CFDP1: variants seen among roughly 807,000 people sequenced by gnomAD.
The protein encoded by CFDP1 is chromatin remodeling protein CFDP1, also known as heterochromatin-stabilizing protein CFDP1.
CFDP1 carries 31 observed loss-of-function variants against 40.1 expected under a neutral mutation model. The ratio of observed to expected loss-of-function variants is 0.77; its 90% CI spans 0.58 to 1.04. The LOEUF is 1.04. CFDP1 is among the 50% of genes least tolerant of loss of function. CFDP1 has a pLI of 0.00. For synonymous variants in CFDP1, 167 were observed against 120.0 expected (o/e 1.39, Z -2.56); for missense variants, 423 against 343.4 (o/e 1.23, Z -1.83).
At chr16:75,347,359 A>AAAAAAAAAAAAAAAAAAAAAAAAAG (rs1555556963) in intron 5 of CFDP1, among the ~76,000 whole-genome samples, 5 of 53,666 alleles carry the variant, frequency 9.3e-5, no homozygotes, top group South Asian at 9.0e-4. Flanking sequence ...AAAAAAAAAA[A>AAAAAAAAAAAAAAAAAAAAAAAAAG]AAAAAGAAAA....
chr16:75,330,981 A>C (rs3975148), intron 5 of CFDP1, among the ~76,000 whole-genome samples: 71,285 of 147,078 alleles, frequency 0.48, 18,958 homozygotes, highest in Admixed American at 0.62. Context: ...AAAAAAAAAA[A>C]AAAACACAAA....
At chr16:75,410,826 G>A (rs1271140149) in intron 4 of CFDP1, among the ~76,000 whole-genome samples, 4 of 148,736 alleles carry the variant, frequency 2.7e-5, no homozygotes, top group African/African-American at 9.9e-5. Context: ...GGAGAATGGC[G>A]TGAACCCAGG....
At chr16:75,411,777 G>A (rs1109342) in intron 4 of CFDP1, 48 bp downstream of exon 4, 898,729 of 1,554,734 alleles carry the variant, frequency 0.58, 263,595 homozygotes, top group Admixed American at 0.69. Context: ...AGAGAGAGAC[G>A]CTCATTTTTG....
chr16:75,315,714 C>T (rs1163966590), intron 5 of CFDP1, among the ~76,000 whole-genome samples: 1 of 151,960 alleles, frequency 6.6e-6, no homozygotes. Context: ...TTTTTGTGGC[C>T]GTGTGGAGCC....
chr16:75,408,184 CT>C (rs1567675977), intron 4 of CFDP1, among the ~76,000 whole-genome samples: 1 of 151,988 alleles, frequency 6.6e-6, no homozygotes, highest in African/African-American at 2.4e-5. Flanking sequence ...CACAGTACAT[CT>C]TTTATCCAGA....
chr16:75,298,396 G>A (rs930737540), intron 6 of CFDP1, among the ~76,000 whole-genome samples: 3 of 152,144 alleles, frequency 2.0e-5, no homozygotes, highest in Admixed American at 6.5e-5. Flanking sequence ...CTCCTGCACC[G>A]CTGGTCAGGA....
intron 5 of CFDP1, among the ~76,000 whole-genome samples, chr16:75,358,625 C>T (rs953127046): frequency 6.6e-6 from 1 of 151,910 alleles, no homozygotes; most frequent in African/African-American, 2.4e-5. Flanking sequence ...CCTACTTTTC[C>T]CCCATGAACA....
At chr16:75,419,432 G>A (rs141839142) in intron 1 of CFDP1, among the ~76,000 whole-genome samples, 10 of 152,280 alleles carry the variant, frequency 6.6e-5, no homozygotes, top group African/African-American at 2.2e-4. Flanking sequence ...AAGAACCACA[G>A]AATTAGAAAG....
chr16:75,380,520 G>C (rs554124921), intron 5 of CFDP1, among the ~76,000 whole-genome samples: 55 of 151,524 alleles, frequency 3.6e-4, no homozygotes, highest in Admixed American at 7.2e-4. Context: ...GCTAAAAGTG[G>C]AAAGTCAATG....
At chr16:75,417,052 G>A (rs1597398754) in intron 1 of CFDP1, among the ~76,000 whole-genome samples, 2 of 152,158 alleles carry the variant, frequency 1.3e-5, no homozygotes, top group South Asian at 4.1e-4. Context: ...GAATGCCTAT[G>A]GTCCCAGCTG....
intron 6 of CFDP1, among the ~76,000 whole-genome samples, chr16:75,300,383 G>A (rs1445935542): frequency 6.6e-6 from 1 of 152,128 alleles, no homozygotes; most frequent in African/African-American, 2.4e-5. Context: ...CGCCTCCCGG[G>A]TTCAAGCAAT....
intron 4 of CFDP1, among the ~76,000 whole-genome samples, chr16:75,404,210 T>G (rs1467727096): frequency 6.6e-6 from 1 of 151,522 alleles, no homozygotes; most frequent in African/African-American, 2.4e-5. Flanking sequence ...TGCCTTACAA[T>G]GAAGAATTCT....
In CFDP1 at chr16:75,293,732, G is replaced by T; in HGVS notation, c.*220C>A. 1 of 528,942 alleles carries T rather than the reference G, an allele frequency of 1.9e-6. No individual in the cohort carries two copies. Among genetic ancestry groups the T allele is most frequent in the Non-Finnish European group, 3.4e-6 (1 of 297,038 alleles). The allele number at this position is 528,942 out of a possible 1,614,324, so 32.8% of individuals were successfully genotyped here. A position where few individuals can be genotyped will look rare whatever the true frequency, so the allele number is the denominator to read the frequency against. ...TCGTCATCTTCATTATCCTCTCACA[G>T]GACCAACTTTTATTTTATTTATTCA... On this transcript the variant is annotated 3_prime_UTR_variant, in exon 7 of 7. Coordinates refer to ENST00000283882, the MANE Select transcript of CFDP1 (RefSeq NM_006324.3).
intron 5 of CFDP1, among the ~76,000 whole-genome samples, chr16:75,373,224 C>T (rs2078766792): frequency 6.6e-6 from 1 of 152,208 alleles, no homozygotes; most frequent in Admixed American, 6.5e-5. Flanking sequence ...TTGGAAATAA[C>T]ATGGTGACCC....
chr16:75,305,486 G>A (rs1325495949), intron 5 of CFDP1: 3 of 292,394 alleles, frequency 1.0e-5, no homozygotes, highest in Non-Finnish European at 1.9e-5. Flanking sequence ...GAGGAGCAGC[G>A]CTTCAGGCAG....
intron 1 of CFDP1, among the ~76,000 whole-genome samples, chr16:75,432,391 A>AAAG (rs2079432058): frequency 6.7e-6 from 1 of 149,670 alleles, no homozygotes; most frequent in Non-Finnish European, 1.5e-5. Context: ...AAAAAAAAAA[A>AAAG]AATTTAAAAA....
intron 6 of CFDP1, among the ~76,000 whole-genome samples, chr16:75,298,077 A>G (rs1171412831): frequency 2.0e-5 from 3 of 152,206 alleles, no homozygotes; most frequent in Non-Finnish European, 4.4e-5. Context: ...TCAAGCACAA[A>G]ATTATTTAAA....
chr16:75,333,363 T>G (rs2078462101), intron 5 of CFDP1, among the ~76,000 whole-genome samples: 1 of 151,970 alleles, frequency 6.6e-6, no homozygotes, highest in Non-Finnish European at 1.5e-5. Flanking sequence ...CACCTCGTGA[T>G]CCGCCCGCCT....
intron 6 of CFDP1, among the ~76,000 whole-genome samples, chr16:75,300,812 G>A (rs945721405): frequency 6.6e-6 from 1 of 151,938 alleles, no homozygotes; most frequent in African/African-American, 2.4e-5. Flanking sequence ...TGAGTCTTCA[G>A]TAGAGAATGG....
Sources: allele counts gnomAD v4.1 joint callset (sites outside exome capture counted in the v4.1 genomes callset), GRCh38; gene constraint gnomAD v4.1.1; transcripts MANE v1.5; gene names NCBI Gene and HGNC (gene_info 2026-07-23, HGNC 2026-07-21).